The following PRIM2 variants were observed in gnomAD, a reference collection of about 807,000 sequenced individuals.
PRIM2 encodes DNA primase subunit 2.
A neutral mutation model predicts 67.3 loss-of-function variants in PRIM2; 39 were observed. The observed-to-expected ratio is 0.58, with a 90% CI of 0.45 to 0.76. PRIM2 has a LOEUF of 0.76. PRIM2 is among the 30% of genes least tolerant of loss of function. The probability of loss-of-function intolerance (pLI) is 0.00; values close to 1 mark genes in which losing one functional copy is unlikely to be tolerated. For missense variants in PRIM2, 398 were observed against 598.7 expected, an observed-to-expected ratio of 0.66 and a Z score of 3.50; for synonymous variants, 143 against 198.7, an observed-to-expected ratio of 0.72 and a Z score of 2.36.
chr6:57,368,622 G>A (rs1769445211), intron 5 of PRIM2, among the ~76,000 whole-genome samples: 1 of 152,112 alleles, frequency 6.6e-6, no homozygotes, highest in Non-Finnish European at 1.5e-5. Context: ...TATATTTTTA[G>A]TCTCATCCGT....
intron 5 of PRIM2, among the ~76,000 whole-genome samples, chr6:57,347,584 A>C (rs5017175): frequency 1.3e-5 from 2 of 152,144 alleles, no homozygotes; most frequent in African/African-American, 4.8e-5. Context: ...GTAGCTGGGA[A>C]TACAGGCGCA....
At chr6:57,633,173 A>G (rs1467376772) in intron 13 of PRIM2, among the ~76,000 whole-genome samples, 1 of 152,212 alleles carries the variant, frequency 6.6e-6, no homozygotes, top group Non-Finnish European at 1.5e-5. Context: ...CTGCAGGCCA[A>G]CAAAACACAT....
At chr6:57,326,686 A>C (rs1025664633) in intron 5 of PRIM2, among the ~76,000 whole-genome samples, 13 of 152,044 alleles carry the variant, frequency 8.6e-5, no homozygotes, top group Non-Finnish European at 1.8e-4. Flanking sequence ...ATGCCGCTGC[A>C]CTCTAGTCTG....
intron 10 of PRIM2, among the ~76,000 whole-genome samples, chr6:57,552,668 C>G (rs1461443244): frequency 6.6e-6 from 1 of 152,160 alleles, no homozygotes; most frequent in African/African-American, 2.4e-5. Context: ...ACCTCAAGGC[C>G]TTTTATTTCA....
At chr6:57,462,977 CAT>C (rs1414765632) in intron 7 of PRIM2, among the ~76,000 whole-genome samples, 1 of 152,222 alleles carries the variant, frequency 6.6e-6, no homozygotes, top group Non-Finnish European at 1.5e-5. Context: ...CATTATGTCA[CAT>C]GTTAGTATTG....
chr6:57,534,282 A>T (rs1454954809), intron 9 of PRIM2, among the ~76,000 whole-genome samples: 2 of 151,750 alleles, frequency 1.3e-5, no homozygotes, highest in Non-Finnish European at 2.9e-5. Flanking sequence ...ATATCATCTG[A>T]TACCTCCTTT....
chr6:57,278,275 C>T, the PRIM2 span, among the ~76,000 whole-genome samples: 33 of 151,842 alleles, frequency 2.2e-4, no homozygotes, highest in African/African-American at 7.8e-4. Flanking sequence ...TGCAGTGAGC[C>T]GAGATTGCAC....
At chr6:57,335,350 G>A (rs1562699344) in intron 5 of PRIM2, among the ~76,000 whole-genome samples, 1 of 152,282 alleles carries the variant, frequency 6.6e-6, no homozygotes, top group Non-Finnish European at 1.5e-5. Context: ...GGAACTGGGT[G>A]GAGCCCACCA....
intron 7 of PRIM2, among the ~76,000 whole-genome samples, chr6:57,428,415 G>A (rs1771703357): frequency 6.6e-6 from 1 of 152,108 alleles, no homozygotes; most frequent in African/African-American, 2.4e-5. Flanking sequence ...TATATTCAAG[G>A]TAGATTATTC....
intron 12 of PRIM2, among the ~76,000 whole-genome samples, chr6:57,621,020 G>C (rs1174259906): frequency 6.6e-6 from 1 of 152,220 alleles, no homozygotes; most frequent in East Asian, 1.9e-4. Flanking sequence ...TTTTAATGAT[G>C]TCATGTCTTT....
chr6:57,281,260 T>C, the PRIM2 span, among the ~76,000 whole-genome samples: 55 of 152,218 alleles, frequency 3.6e-4, no homozygotes, highest in African/African-American at 1.2e-4. Flanking sequence ...GCAATAAACA[T>C]AGGAGTGCAG....
intron 10 of PRIM2, among the ~76,000 whole-genome samples, chr6:57,571,362 A>C (rs1775859267): frequency 6.6e-6 from 1 of 152,066 alleles, no homozygotes; most frequent in South Asian, 2.1e-4. Flanking sequence ...CAAAAACAAC[A>C]ATGAAGGCTG....
At chr6:57,323,067 T>C (rs1767713611) in intron 3 of PRIM2, among the ~76,000 whole-genome samples, 1 of 150,686 alleles carries the variant, frequency 6.6e-6, no homozygotes, top group Non-Finnish European at 1.5e-5. Flanking sequence ...ATTATAGTAG[T>C]GCCTCCCTCA....
At chr6:57,249,978 G>A in the PRIM2 span, among the ~76,000 whole-genome samples, 1 of 152,176 alleles carries the variant, frequency 6.6e-6, no homozygotes. Context: ...GCTGTTGGGA[G>A]GACCAGTATC....
intron 8 of PRIM2, among the ~76,000 whole-genome samples, chr6:57,520,272 C>T (rs1274981823): frequency 6.6e-6 from 1 of 152,168 alleles, no homozygotes; most frequent in Non-Finnish European, 1.5e-5. Context: ...TAGCATTCCA[C>T]ATTGTGTAAA....
intron 5 of PRIM2, among the ~76,000 whole-genome samples, chr6:57,335,540 G>T (rs1300124909): frequency 6.6e-6 from 1 of 152,168 alleles, no homozygotes; most frequent in Admixed American, 6.5e-5. Flanking sequence ...GCCTCCTCAA[G>T]TGGGTCCCTG....
At chr6:57,263,290 T>C in the PRIM2 span, among the ~76,000 whole-genome samples, 1 of 152,174 alleles carries the variant, frequency 6.6e-6, no homozygotes, top group Non-Finnish European at 1.5e-5. Context: ...ACAACAAAAA[T>C]TTATTCTCTC....
At chr6:57,441,142 G>T (rs1772192339) in intron 7 of PRIM2, among the ~76,000 whole-genome samples, 1 of 152,214 alleles carries the variant, frequency 6.6e-6, no homozygotes, top group Non-Finnish European at 1.5e-5. Context: ...ATGTGTGAAT[G>T]TGTATAGGTT....
At position 57,605,541 on chromosome 6, in the gene PRIM2, G is replaced by A. The variant is rs1291285338; in HGVS notation, c.1148-834G>A. On this transcript the variant is annotated intron_variant, in intron 11 of 13. Coordinates refer to ENST00000615550, the MANE Select transcript of PRIM2 (RefSeq NM_000947.5). Reference sequence around the variant, plus strand: ...TCCTGGAACTTAGTCATTTCCTCTAGATTTTCTAATTTGTGAAAAATGCAC... The same window carrying A: ...TCCTGGAACTTAGTCATTTCCTCTAAATTTTCTAATTTGTGAAAAATGCAC... Among the ~76,000 whole-genome samples, 331 of 152,048 alleles carry A rather than the reference G, an allele frequency of 2.2e-3. 1 individual carries two copies. Among genetic ancestry groups the A allele is most frequent in the African/African-American group, 7.6e-3 (317 of 41,480 alleles).
Sources: gnomAD v4.1 joint callset for allele counts (sites outside exome capture counted in the v4.1 genomes callset) on GRCh38, gnomAD v4.1.1 for gene constraint, MANE v1.5 for transcripts, NCBI Gene and HGNC (gene_info 2026-07-23, HGNC 2026-07-21) for gene names.